PDE1C: variants seen among roughly 807,000 people sequenced by gnomAD.
The protein encoded by PDE1C is dual specificity calcium/calmodulin-dependent 3',5'-cyclic nucleotide phosphodiesterase 1C.
A neutral mutation model predicts 93.1 loss-of-function variants in PDE1C; 62 were observed. The observed-to-expected ratio is 0.67, with a 90% CI of 0.54 to 0.82. The LOEUF (loss-of-function observed/expected upper bound fraction) is 0.82. Among genes scored for constraint, PDE1C ranks in the 40% least tolerant of loss-of-function variants. The pLI is 0.00. For synonymous variants in PDE1C, 325 were observed against 310.1 expected (o/e 1.05, Z -0.50); for missense variants, 742 against 884.6 (o/e 0.84, Z 2.04).
At chr7:32,309,577 G>A (rs1037231506) in intron 1 of PDE1C, among the ~76,000 whole-genome samples, 2 of 152,186 alleles carry the variant, frequency 1.3e-5, no homozygotes, top group Non-Finnish European at 2.9e-5. Flanking sequence ...AAGCCAGAAG[G>A]GAGTGGGGGC....
upstream of PDE1C, among the ~76,000 whole-genome samples, chr7:32,076,035 G>T (rs1262100546): frequency 6.6e-6 from 1 of 152,050 alleles, no homozygotes; most frequent in Non-Finnish European, 1.5e-5. Flanking sequence ...GTCTGGCCTG[G>T]GCTAACCAAG....
At chr7:31,931,279 G>C (rs566854826) in intron 2 of PDE1C, among the ~76,000 whole-genome samples, 2 of 152,274 alleles carry the variant, frequency 1.3e-5, no homozygotes, top group East Asian at 3.9e-4. Flanking sequence ...ATTCAAATAG[G>C]AAGACAGAAG....
At chr7:32,326,221 T>C (rs904540763) in intron 1 of PDE1C, among the ~76,000 whole-genome samples, 2 of 152,336 alleles carry the variant, frequency 1.3e-5, no homozygotes, top group African/African-American at 4.8e-5. Flanking sequence ...TAGACAACCA[T>C]AGATTAGACT....
intron 14 of PDE1C, chr7:31,821,021 C>G (rs1788900972): frequency 6.6e-6 from 1 of 150,576 alleles, no homozygotes; most frequent in African/African-American, 2.4e-5. Flanking sequence ...AGTCAAGACT[C>G]AATTCTCTCT....
At chr7:32,004,018 C>T (rs571993231) in intron 2 of PDE1C, among the ~76,000 whole-genome samples, 13 of 146,922 alleles carry the variant, frequency 8.8e-5, no homozygotes, top group Admixed American at 4.0e-4. Flanking sequence ...TGGAATGTAA[C>T]GTGGCTGCTC....
At chr7:32,425,660 G>A (rs1023074001) in intron 1 of PDE1C, among the ~76,000 whole-genome samples, 1 of 152,116 alleles carries the variant, frequency 6.6e-6, no homozygotes, top group African/African-American at 2.4e-5. Flanking sequence ...GCCCAAACCG[G>A]TGAAAGCAGA....
intron 1 of PDE1C, among the ~76,000 whole-genome samples, chr7:32,349,835 T>G (rs1783925106): frequency 6.6e-6 from 1 of 152,140 alleles, no homozygotes; most frequent in South Asian, 2.1e-4. Flanking sequence ...TCACCCATAT[T>G]AGCCAGGCTG....
At chr7:31,881,820 G>A (rs887501155) in intron 2 of PDE1C, among the ~76,000 whole-genome samples, 1 of 151,394 alleles carries the variant, frequency 6.6e-6, no homozygotes, top group African/African-American at 2.5e-5. Context: ...AATTGATATA[G>A]AGTATGTGAC....
At chr7:31,964,133 G>T (rs926290721) in intron 2 of PDE1C, among the ~76,000 whole-genome samples, 1 of 152,240 alleles carries the variant, frequency 6.6e-6, no homozygotes, top group African/African-American at 2.4e-5. Flanking sequence ...GCAGCGCACC[G>T]TGCGTGAGCC....
At chr7:32,227,680 C>G (rs1807394902) in intron 1 of PDE1C, among the ~76,000 whole-genome samples, 5 of 152,202 alleles carry the variant, frequency 3.3e-5, no homozygotes, top group African/African-American at 1.2e-4. Context: ...TCTTCCCACA[C>G]TGAATCAGGA....
At chr7:32,370,968 A>G (rs1784321708) in intron 1 of PDE1C, among the ~76,000 whole-genome samples, 1 of 151,976 alleles carries the variant, frequency 6.6e-6, no homozygotes, top group South Asian at 2.1e-4. Context: ...TAGAAAGTTC[A>G]ACACTGCATA....
At chr7:32,239,891 A>G (rs1472658580) in intron 1 of PDE1C, among the ~76,000 whole-genome samples, 1 of 152,236 alleles carries the variant, frequency 6.6e-6, no homozygotes, top group East Asian at 1.9e-4. Context: ...AAATGTATGC[A>G]GAGATGTCAC....
chr7:32,355,124 C>T (rs575135484), intron 1 of PDE1C, among the ~76,000 whole-genome samples: 3 of 152,300 alleles, frequency 2.0e-5, no homozygotes, highest in South Asian at 4.1e-4. Context: ...GGTAACTAAC[C>T]ACAGCTCCTT....
intron 1 of PDE1C, among the ~76,000 whole-genome samples, chr7:32,251,889 C>T (rs938291481): frequency 1.3e-5 from 2 of 152,138 alleles, no homozygotes; most frequent in African/African-American, 4.8e-5. Flanking sequence ...CCCCTCCTCA[C>T]ACTCAGGTCC....
chr7:32,329,499 T>C (rs1180125135), intron 1 of PDE1C, among the ~76,000 whole-genome samples: 2 of 152,202 alleles, frequency 1.3e-5, no homozygotes, highest in Non-Finnish European at 2.9e-5. Flanking sequence ...TCCTGCTCCC[T>C]GCTTTGGGCC....
At chr7:31,937,935 G>A (rs903081221) in intron 2 of PDE1C, among the ~76,000 whole-genome samples, 3 of 152,096 alleles carry the variant, frequency 2.0e-5, no homozygotes, top group African/African-American at 7.2e-5. Flanking sequence ...TTGTTAACAT[G>A]GGCACTCCAT....
chr7:31,739,074 C>T, the PDE1C span, among the ~76,000 whole-genome samples: 1 of 141,172 alleles, frequency 7.1e-6, no homozygotes, highest in Non-Finnish European at 1.5e-5. Flanking sequence ...CTGCCTGTTT[C>T]CATCCTCAAA....
chr7:32,038,428 G>A (rs977943453), intron 2 of PDE1C, among the ~76,000 whole-genome samples: 2 of 152,110 alleles, frequency 1.3e-5, no homozygotes, highest in East Asian at 3.9e-4. Flanking sequence ...TATTGGGAGG[G>A]CAGGCATTAT....
intron 9 of PDE1C, among the ~76,000 whole-genome samples, chr7:31,841,751 T>TATATGCATATCA (rs61622707): frequency 5.3e-5 from 8 of 151,856 alleles, no homozygotes; most frequent in Non-Finnish European, 8.8e-5. Context: ...ACCAATAGGA[T>TATATGCATATCA]AGAAAGAGAT....
Sources: gnomAD v4.1 joint callset for allele counts (sites outside exome capture counted in the v4.1 genomes callset) on GRCh38, gnomAD v4.1.1 for gene constraint, MANE v1.5 for transcripts, NCBI Gene and HGNC (gene_info 2026-07-23, HGNC 2026-07-21) for gene names.